The following SCAI variants were observed in gnomAD, a reference collection of about 807,000 sequenced individuals.
The protein encoded by SCAI is protein SCAI.
Under a neutral mutation model 92.2 loss-of-function variants are expected in SCAI, and 24 were observed. The ratio of observed to expected loss-of-function variants is 0.26; its 90% CI spans 0.19 to 0.37. The LOEUF (loss-of-function observed/expected upper bound fraction) is 0.37. Ranked by LOEUF, SCAI falls within the 10% of genes least tolerant of loss-of-function variation. The pLI is 1.00. For missense variants in SCAI, 450 were observed against 736.2 expected (o/e 0.61, Z 4.50); for synonymous variants, 261 against 258.6 (o/e 1.01, Z -0.09).
At chr9:124,958,704 C>T (rs1467874716) in intron 17 of SCAI, among the ~76,000 whole-genome samples, 1 of 151,898 alleles carries the variant, frequency 6.6e-6, no homozygotes, top group Admixed American at 6.6e-5. Context: ...GTCAGGAATT[C>T]GAGATCAGCC....
At position 124,951,059 on chromosome 9, in the gene SCAI, T is replaced by TA. The variant is rs55938057; in HGVS notation, c.*1747dup. 2,206 of 116,536 alleles carry TA rather than the reference T, an allele frequency of 0.019. 83 individuals are homozygous for TA. Among genetic ancestry groups the TA allele is most frequent in the East Asian group, 0.09 (352 of 3,902 alleles). The allele number at this position is 116,536 out of a possible 1,614,324, so 7.2% of individuals were successfully genotyped here. On this transcript the variant is annotated 3_prime_UTR_variant, in exon 18 of 18. Transcript: ENST00000336505. ...GGCAACAAAGCAAGACTCTGTCTCT[T>TA]AAAAAAAAAAAAAAAAAAAAGTAAA...
intron 9 of SCAI, among the ~76,000 whole-genome samples, chr9:125,009,050 C>T (rs72765233): frequency 0.16 from 24,889 of 151,760 alleles, 2,269 homozygotes; most frequent in East Asian, 0.24. Flanking sequence ...GAAATTAAAT[C>T]TTCAAAGTGC....
intron 2 of SCAI, among the ~76,000 whole-genome samples, chr9:125,128,746 C>G (rs1588247818): frequency 6.8e-6 from 1 of 147,756 alleles, no homozygotes; most frequent in Non-Finnish European, 1.5e-5. Flanking sequence ...GAGCGAAACT[C>G]CGTCTCAAAA....
intron 2 of SCAI, among the ~76,000 whole-genome samples, chr9:125,118,211 A>AGT (rs1835090900): frequency 6.6e-6 from 1 of 152,210 alleles, no homozygotes; most frequent in African/African-American, 2.4e-5. Flanking sequence ...AAATAAACAT[A>AGT]GTGGAGCCAA....
intron 3 of SCAI, among the ~76,000 whole-genome samples, chr9:125,043,621 C>T (rs1362372741): frequency 3.3e-5 from 5 of 152,150 alleles, no homozygotes; most frequent in Non-Finnish European, 7.4e-5. Flanking sequence ...GCACCACACT[C>T]AGCTAATATT....
chr9:125,141,667 T>C (rs943316171), intron 2 of SCAI, among the ~76,000 whole-genome samples: 2 of 152,214 alleles, frequency 1.3e-5, no homozygotes, highest in Non-Finnish European at 2.9e-5. Flanking sequence ...CTACTTTCAA[T>C]TGCATATTTA....
intron 2 of SCAI, among the ~76,000 whole-genome samples, chr9:125,092,499 T>C (rs1394352671): frequency 6.6e-6 from 1 of 152,064 alleles, no homozygotes; most frequent in African/African-American, 2.4e-5. Context: ...GTAAAGATCC[T>C]CCACACATGC....
chr9:125,007,185 G>C (rs1009155436), intron 9 of SCAI, among the ~76,000 whole-genome samples: 3 of 152,080 alleles, frequency 2.0e-5, no homozygotes, highest in Non-Finnish European at 2.9e-5. Flanking sequence ...CAAATTATCA[G>C]ATATATAGTA....
rs768880265 is a variant in SCAI at position 125,106,716 on chromosome 9, CTTTT to C, written c.98+35913_98+35916del. ...CATATGCTGAACTTGCATTATTTTT[CTTTT>C]CCTTTTTTTTTTTTTTTTTTTTTTG... is the stretch of plus-strand genomic sequence containing the variant. On this transcript the variant is annotated intron_variant, in intron 2 of 17. Transcript: ENST00000336505. 7.3e-3 allele frequency among the ~76,000 whole-genome samples: 955 copies of C among 130,724 alleles called. 3 individuals are homozygous for C. Among genetic ancestry groups the C allele is most frequent in the Non-Finnish European group, 0.011 (656 of 60,862 alleles). 85.8% of individuals were successfully genotyped at this position (130,724 alleles called of 152,430 possible).
At chr9:125,101,742 T>C (rs1416443703) in intron 2 of SCAI, among the ~76,000 whole-genome samples, 1 of 152,230 alleles carries the variant, frequency 6.6e-6, no homozygotes, top group Non-Finnish European at 1.5e-5. Context: ...TACATAGTAC[T>C]GACCAGCCAA....
At chr9:125,019,910 C>CA (rs1479238377) in intron 7 of SCAI, among the ~76,000 whole-genome samples, 1 of 151,464 alleles carries the variant, frequency 6.6e-6, no homozygotes, top group Non-Finnish European at 1.5e-5. Context: ...CCTGTCTCTA[C>CA]AAAAAACACA....
At chr9:125,055,588 A>T (rs1833644589) in intron 3 of SCAI, among the ~76,000 whole-genome samples, 1 of 152,224 alleles carries the variant, frequency 6.6e-6, no homozygotes, top group African/African-American at 2.4e-5. Context: ...CAACACCCTA[A>T]TGTGCAAAAC....
At chr9:125,102,528 C>G (rs185044824) in intron 2 of SCAI, among the ~76,000 whole-genome samples, 9 of 152,250 alleles carry the variant, frequency 5.9e-5, no homozygotes, top group Non-Finnish European at 1.5e-5. Context: ...ACTCCCTGCC[C>G]AGTAAGTTTA....
In SCAI at chr9:125,042,969, G is replaced by A. The variant is rs545170927; in HGVS notation, c.230+12907C>T. On this transcript the variant is annotated intron_variant, in intron 3 of 17. Coordinates refer to ENST00000336505, the MANE Select transcript of SCAI (RefSeq NM_001144877.3). The stretch of plus-strand genomic sequence containing the variant: ...CAACCTCCACCTCCCAGGTTCAAGC[G>A]ATTCTCATGCCTCAGCTTCCTGAGT... Among the ~76,000 whole-genome samples, 316 of 141,958 alleles carry A rather than the reference G, an allele frequency of 2.2e-3. 8 individuals are homozygous for A. The South Asian group carries it at 0.034, about 15-fold the overall frequency. 93.1% of individuals were successfully genotyped at this position (141,958 alleles called of 152,430 possible). A position where few individuals can be genotyped will look rare whatever the true frequency, so the allele number is the denominator to read the frequency against.
chr9:125,028,481 G>A lies in SCAI; in HGVS notation c.327-3C>T, dbSNP rs1246761529. 1 of 1,527,254 alleles carries A rather than the reference G, an allele frequency of 6.5e-7. No homozygotes were observed. The highest frequency in any genetic ancestry group is 8.8e-7 in the Non-Finnish European group (1 of 1,132,292). The allele number at this position is 1,527,254 out of a possible 1,614,324, so 94.6% of individuals were successfully genotyped here. A position where few individuals can be genotyped will look rare whatever the true frequency, so the allele number is the denominator to read the frequency against. ...CATACCGATTATCCAAGACTTGTCT[G>A]TTTTATATAGGATACAAGAAAATAG... On this transcript the variant is annotated splice_polypyrimidine_tract_variant and splice_region_variant and intron_variant, in intron 4 of 17. Transcript: ENST00000336505.
At chr9:125,066,577 T>TCC (rs1487545398) in intron 2 of SCAI, among the ~76,000 whole-genome samples, 1 of 151,992 alleles carries the variant, frequency 6.6e-6, no homozygotes, top group Non-Finnish European at 1.5e-5. Flanking sequence ...TGCCTCAGCC[T>TCC]CATGAGTAGC....
At chr9:125,077,682 T>C (rs1012810518) in intron 2 of SCAI, among the ~76,000 whole-genome samples, 2 of 152,148 alleles carry the variant, frequency 1.3e-5, no homozygotes, top group South Asian at 2.1e-4. Context: ...TATATTTCCT[T>C]TGAAGAAATG....
intron 2 of SCAI, among the ~76,000 whole-genome samples, chr9:125,080,457 A>G (rs1228852731): frequency 6.6e-6 from 1 of 152,178 alleles, no homozygotes; most frequent in African/African-American, 2.4e-5. Flanking sequence ...ACGTATTTTC[A>G]GGCTTTCCCC....
intron 14 of SCAI, among the ~76,000 whole-genome samples, chr9:124,992,880 A>G (rs1832164028): frequency 6.6e-6 from 1 of 152,210 alleles, no homozygotes; most frequent in South Asian, 2.1e-4. Context: ...TTCCAATTAT[A>G]CACAATGGTG....
Sources: allele counts gnomAD v4.1 joint callset (sites outside exome capture counted in the v4.1 genomes callset), GRCh38; gene constraint gnomAD v4.1.1; transcripts MANE v1.5; gene names NCBI Gene and HGNC (gene_info 2026-07-23, HGNC 2026-07-21).